FGD6: variants seen among roughly 807,000 people sequenced by gnomAD.
FGD6 encodes FYVE, RhoGEF and PH domain containing 6, also known as FYVE, RhoGEF and PH domain-containing protein 6.
A neutral mutation model predicts 149.4 loss-of-function variants in FGD6; 90 were observed. The ratio of observed to expected loss-of-function variants is 0.60; its 90% CI spans 0.51 to 0.72. The LOEUF (loss-of-function observed/expected upper bound fraction) is 0.72, where lower values mean the gene tolerates loss of function less well. Among genes scored for constraint, FGD6 ranks in the 30% least tolerant of loss-of-function variants. The pLI is 0.00. For synonymous variants in FGD6, 527 were observed against 584.0 expected (o/e 0.90, Z 1.41); for missense variants, 1,437 against 1,684.8 (o/e 0.85, Z 2.57).
In FGD6 at chr12:95,217,288, TC is replaced by T. The variant is rs745799835; in HGVS notation, c.-49del. On this transcript the variant is annotated 5_prime_UTR_variant, in exon 1 of 21. Transcript: ENST00000343958. Reference sequence around the variant, plus strand: ...CCCCGCTCGGCCCCTCAATCCATCTTCCCCTTTCAGTCCATTGTTCCCACAG... The same window carrying T: ...CCCCGCTCGGCCCCTCAATCCATCTTCCCTTTCAGTCCATTGTTCCCACAG... The T allele has an allele frequency of 6.3e-6, 10 of 1,584,008 alleles. No homozygotes were observed.
At chr12:95,104,968 T>C in intron 14 of FGD6, 39 bp downstream of exon 14, 1 of 1,333,412 alleles carries the variant, frequency 7.5e-7, no homozygotes, top group Non-Finnish European at 9.7e-7. Flanking sequence ...AGACTCAGAA[T>C]GAGAAAAAAA....
At chr12:95,161,601 A>G (rs1880644299) in intron 3 of FGD6, among the ~76,000 whole-genome samples, 1 of 152,164 alleles carries the variant, frequency 6.6e-6, no homozygotes, top group Non-Finnish European at 1.5e-5. Flanking sequence ...TAAACTCTCT[A>G]CTTACATTAA....
intron 20 of FGD6, among the ~76,000 whole-genome samples, chr12:95,083,030 T>TATACACACACACACACACACAC (rs772685891): frequency 7.1e-5 from 4 of 56,596 alleles, no homozygotes; most frequent in South Asian, 7.0e-4. Flanking sequence ...TATATATATA[T>TATACACACACACACACACACAC]ACACACACAT....
intron 2 of FGD6, among the ~76,000 whole-genome samples, chr12:95,188,985 C>G (rs951155013): frequency 1.3e-5 from 2 of 152,026 alleles, no homozygotes; most frequent in Non-Finnish European, 2.9e-5. Flanking sequence ...TAGATAATCT[C>G]AAAATGAATT....
At chr12:95,087,273 T>G (rs1194676666) in intron 18 of FGD6, among the ~76,000 whole-genome samples, 2 of 151,886 alleles carry the variant, frequency 1.3e-5, no homozygotes, top group Non-Finnish European at 2.9e-5. Context: ...CTGTAGAGAG[T>G]CACACTGCTG....
chr12:95,094,465 A>G (rs1056093773), intron 15 of FGD6, 127 bp downstream of exon 15: 1 of 634,740 alleles, frequency 1.6e-6, no homozygotes, highest in African/African-American at 1.8e-5. Flanking sequence ...TAATCTGTAG[A>G]GTAACTCTCT....
intron 8 of FGD6, among the ~76,000 whole-genome samples, chr12:95,114,195 G>C (rs11107903): frequency 1.4e-4 from 21 of 152,090 alleles, no homozygotes; most frequent in Admixed American, 1.4e-3. Context: ...TATTTAAACA[G>C]GTGGTTTTCA....
intron 9 of FGD6, among the ~76,000 whole-genome samples, chr12:95,110,062 C>T (rs915643517): frequency 9.9e-5 from 15 of 151,800 alleles, no homozygotes; most frequent in Admixed American, 9.2e-4. Flanking sequence ...CTGCAAGCTC[C>T]ACCTCCCGGG....
intron 2 of FGD6, among the ~76,000 whole-genome samples, chr12:95,179,134 G>A (rs6538612): frequency 0.88 from 133,109 of 152,110 alleles, 58,582 homozygotes; most frequent in African/African-American, 0.96. Flanking sequence ...CCACCTTTGC[G>A]AATACCATTA....
intron 3 of FGD6, among the ~76,000 whole-genome samples, chr12:95,155,572 C>G (rs1239450888): frequency 6.6e-6 from 1 of 152,118 alleles, no homozygotes; most frequent in Non-Finnish European, 1.5e-5. Flanking sequence ...GCAATCACTT[C>G]TATGCTCACA....
intron 9 of FGD6, among the ~76,000 whole-genome samples, chr12:95,112,241 TA>T (rs11291927): frequency 0.65 from 93,281 of 144,612 alleles, 29,371 homozygotes; most frequent in East Asian, 0.69. Flanking sequence ...CTCAAAAAAT[TA>T]AAAAAAAAAA....
intron 18 of FGD6, among the ~76,000 whole-genome samples, chr12:95,086,586 C>T (rs1184749717): frequency 2.2e-5 from 3 of 133,886 alleles, no homozygotes; most frequent in Non-Finnish European, 4.6e-5. Context: ...GTCACCCAGG[C>T]TGGAGTGCAG....
chr12:95,143,296 T>G (rs1468443997), intron 5 of FGD6, among the ~76,000 whole-genome samples: 5 of 148,924 alleles, frequency 3.4e-5, no homozygotes, highest in African/African-American at 9.8e-5. Flanking sequence ...TTTTTTTGTT[T>G]TTTTTTTTTT....
At chr12:95,211,547 T>TTTG (rs2056727829) in intron 1 of FGD6, among the ~76,000 whole-genome samples, 1 of 151,208 alleles carries the variant, frequency 6.6e-6, no homozygotes, top group Non-Finnish European at 1.5e-5. Flanking sequence ...TTCTTCTTTT[T>TTTG]TTTTTTTTGT....
Position 95,137,502 on chromosome 12 carries a change from C to T in FGD6, c.2994+20G>A, listed in dbSNP as rs1483622080. 11 of 1,542,836 alleles carry T rather than the reference C, an allele frequency of 7.1e-6. No individual in the cohort carries two copies. Among genetic ancestry groups the T allele is most frequent in the African/African-American group, 1.4e-5 (1 of 72,482 alleles). Reference sequence around the variant, plus strand: ...AACAAAAAGAAAGAGAAGTGTTCAACATTAGATAGTAGCAAATACCTCAAA... The same window carrying T: ...AACAAAAAGAAAGAGAAGTGTTCAATATTAGATAGTAGCAAATACCTCAAA... On this transcript the variant is annotated intron_variant, in intron 7 of 20. Coordinates refer to ENST00000343958, the MANE Select transcript of FGD6 (RefSeq NM_018351.4).
At chr12:95,215,785 C>T (rs1456918146) in intron 1 of FGD6, among the ~76,000 whole-genome samples, 1 of 152,176 alleles carries the variant, frequency 6.6e-6, no homozygotes, top group Admixed American at 6.5e-5. Context: ...TGCTTCTGTG[C>T]CTGTTCCTTA....
At chr12:95,182,216 C>T (rs1881302597) in intron 2 of FGD6, among the ~76,000 whole-genome samples, 1 of 127,608 alleles carries the variant, frequency 7.8e-6, no homozygotes, top group Non-Finnish European at 1.6e-5. Context: ...TATATGTATA[C>T]ATACTTTTTT....
intron 1 of FGD6, among the ~76,000 whole-genome samples, chr12:95,216,353 G>A (rs931537826): frequency 2.0e-5 from 3 of 152,206 alleles, no homozygotes; most frequent in African/African-American, 7.2e-5. Context: ...AATTTCTAAT[G>A]AAAGTTTCAA....
chr12:95,187,057 C>T (rs1881456326), intron 2 of FGD6, among the ~76,000 whole-genome samples: 1 of 152,208 alleles, frequency 6.6e-6, no homozygotes, highest in Admixed American at 6.5e-5. Context: ...TCAGGCCGGG[C>T]ATAGTGGCTC....
Sources: allele counts gnomAD v4.1 joint callset (sites outside exome capture counted in the v4.1 genomes callset), GRCh38; gene constraint gnomAD v4.1.1; transcripts MANE v1.5; gene names NCBI Gene and HGNC (gene_info 2026-07-23, HGNC 2026-07-21).